SLC25A26: variants seen among roughly 807,000 people sequenced by gnomAD.
SLC25A26 encodes solute carrier family 25 member 26.
SLC25A26 carries 36 observed loss-of-function variants against 37.8 expected under a neutral mutation model. That is an observed-to-expected ratio of 0.95 (90% CI 0.73 to 1.26). The LOEUF is 1.26. SLC25A26 is among the 50% of genes most tolerant of loss of function. The probability of loss-of-function intolerance (pLI) is 0.00; values close to 1 mark genes in which losing one functional copy is unlikely to be tolerated. For missense variants in SLC25A26, 390 were observed against 331.1 expected (o/e 1.18, Z -1.38); for synonymous variants, 129 against 122.5 (o/e 1.05, Z -0.35).
intron 7 of SLC25A26, among the ~76,000 whole-genome samples, chr3:66,363,152 C>A (rs2076751520): frequency 6.6e-6 from 1 of 151,036 alleles, no homozygotes; most frequent in East Asian, 1.9e-4. Flanking sequence ...ACAAATTTTT[C>A]TTTTTCTTTT....
At chr3:66,248,151 C>A (rs2072932071) in intron 3 of SLC25A26, among the ~76,000 whole-genome samples, 1 of 152,144 alleles carries the variant, frequency 6.6e-6, no homozygotes, top group African/African-American at 2.4e-5. Context: ...AACAAAAGAA[C>A]AGTGCCAAAA....
intron 1 of SLC25A26, among the ~76,000 whole-genome samples, chr3:66,193,045 G>C (rs2070976108): frequency 6.6e-6 from 1 of 152,098 alleles, no homozygotes; most frequent in African/African-American, 2.4e-5. Context: ...ATTGCAGAGA[G>C]ATACAGGTAT....
chr3:66,170,935 C>G (rs2106731868), intron 1 of SLC25A26, among the ~76,000 whole-genome samples: 1 of 148,490 alleles, frequency 6.7e-6, no homozygotes. Context: ...TCCCAAGTAG[C>G]TGGGACTACA....
At chr3:66,218,358 T>C (rs972074409), upstream of SLC25A26, among the ~76,000 whole-genome samples, 2 of 152,248 alleles carry the variant, frequency 1.3e-5, no homozygotes, top group Non-Finnish European at 2.9e-5. Flanking sequence ...AAGTGTGGCA[T>C]TGGATTTTAT....
chr3:66,187,425 G>A (rs1180116125), intron 1 of SLC25A26, among the ~76,000 whole-genome samples: 4 of 151,792 alleles, frequency 2.6e-5, no homozygotes, highest in African/African-American at 4.8e-5. Context: ...ACCCTTACTC[G>A]GATTTGGCCA....
chr3:66,150,546 A>AT (rs1559551808), intron 1 of SLC25A26, among the ~76,000 whole-genome samples: 1 of 125,508 alleles, frequency 8.0e-6, no homozygotes, highest in African/African-American at 3.1e-5. Context: ...TATATATATA[A>AT]AATATATATA....
chr3:66,196,705 T>A (rs1340979626), intron 1 of SLC25A26, among the ~76,000 whole-genome samples: 2 of 151,982 alleles, frequency 1.3e-5, no homozygotes, highest in East Asian at 3.9e-4. Flanking sequence ...GCAATAACTT[T>A]AAAAAAACTA....
intron 6 of SLC25A26, among the ~76,000 whole-genome samples, chr3:66,360,636 T>C (rs1035739707): frequency 2.0e-5 from 3 of 152,192 alleles, no homozygotes; most frequent in Non-Finnish European, 4.4e-5. Context: ...GACTGAAATT[T>C]AAAAAACAGT....
At chr3:66,144,095 C>A (rs1468536401) in intron 1 of SLC25A26, among the ~76,000 whole-genome samples, 2 of 152,040 alleles carry the variant, frequency 1.3e-5, no homozygotes, top group Non-Finnish European at 2.9e-5. Flanking sequence ...AGTGGGTGAG[C>A]TACTTTCAAT....
intron 1 of SLC25A26, among the ~76,000 whole-genome samples, chr3:66,204,130 A>C (rs2071143207): frequency 6.6e-6 from 1 of 152,160 alleles, no homozygotes; most frequent in Non-Finnish European, 1.5e-5. Flanking sequence ...ACTTGCATGA[A>C]AATCACGAGA....
Position 66,330,328 on chromosome 3 carries a change from A to G in SLC25A26, c.454-16036A>G, listed in dbSNP as rs1335766075. Reference sequence around the variant, plus strand: ...AGACAACCTAATGGAAACGCTGAGTAGACAGGGAAAAACACTGATGTTCCA... The same window carrying G: ...AGACAACCTAATGGAAACGCTGAGTGGACAGGGAAAAACACTGATGTTCCA... On this transcript the variant is annotated intron_variant, in intron 5 of 9. Coordinates refer to ENST00000354883, the MANE Select transcript of SLC25A26 (RefSeq NM_001379210.1). Among the ~76,000 whole-genome samples, 3 of 152,192 alleles carry G rather than the reference A, an allele frequency of 2.0e-5. No homozygotes were observed. The East Asian group carries it at 5.8e-4, about 29-fold the overall frequency.
chr3:66,310,649 T>G (rs970028336), intron 5 of SLC25A26, among the ~76,000 whole-genome samples: 3 of 152,236 alleles, frequency 2.0e-5, no homozygotes, highest in African/African-American at 7.2e-5. Flanking sequence ...CTTTCCATAT[T>G]TAGCACTTCC....
chr3:66,232,051 A>G (rs1312803322), intron 1 of SLC25A26, among the ~76,000 whole-genome samples: 3 of 152,178 alleles, frequency 2.0e-5, no homozygotes, highest in Admixed American at 2.0e-4. Context: ...ATTATTACAG[A>G]AATGCTGTAG....
At chr3:66,311,370 T>G (rs1002371629) in intron 5 of SLC25A26, among the ~76,000 whole-genome samples, 1 of 152,146 alleles carries the variant, frequency 6.6e-6, no homozygotes, top group Admixed American at 6.5e-5. Flanking sequence ...CTAAACTGGT[T>G]ATTCTAGTTA....
At chr3:66,285,954 C>T (rs1436445901) in intron 5 of SLC25A26, among the ~76,000 whole-genome samples, 1 of 152,164 alleles carries the variant, frequency 6.6e-6, no homozygotes, top group African/African-American at 2.4e-5. Flanking sequence ...TTTCAGTTCC[C>T]TAATGGCTAA....
chr3:66,255,436 G>A (rs557275744), intron 3 of SLC25A26, among the ~76,000 whole-genome samples: 4 of 151,226 alleles, frequency 2.6e-5, no homozygotes, highest in Admixed American at 6.6e-5. Flanking sequence ...TCATATTTTG[G>A]CATATTTAAG....
chr3:66,276,535 A>T (rs1312924064), intron 5 of SLC25A26, among the ~76,000 whole-genome samples: 1 of 152,104 alleles, frequency 6.6e-6, no homozygotes, highest in Non-Finnish European at 1.5e-5. Flanking sequence ...ACACAATGAG[A>T]TGCTTCTAAA....
At chr3:66,374,347 A>T (rs951878946) in intron 9 of SLC25A26, among the ~76,000 whole-genome samples, 3 of 152,098 alleles carry the variant, frequency 2.0e-5, no homozygotes, top group African/African-American at 7.2e-5. Context: ...GTGATCTGTG[A>T]TCAGCCGTCT....
At chr3:66,373,378 A>C (rs1369209771) in intron 9 of SLC25A26, among the ~76,000 whole-genome samples, 1 of 152,208 alleles carries the variant, frequency 6.6e-6, no homozygotes, top group African/African-American at 2.4e-5. Context: ...TAATAGATTC[A>C]GTGGTCATCT....
Sources: gnomAD v4.1 joint callset for allele counts (sites outside exome capture counted in the v4.1 genomes callset) on GRCh38, gnomAD v4.1.1 for gene constraint, MANE v1.5 for transcripts, NCBI Gene and HGNC (gene_info 2026-07-23, HGNC 2026-07-21) for gene names.